ZNF565: variants seen among roughly 807,000 people sequenced by gnomAD.
ZNF565 encodes zinc finger protein 565.
ZNF565 carries 27 observed loss-of-function variants against 39.4 expected under a neutral mutation model. The observed-to-expected ratio is 0.69, with a 90% CI of 0.51 to 0.95. ZNF565 has a LOEUF of 0.95. Ranked by LOEUF, ZNF565 falls within the 40% of genes least tolerant of loss-of-function variation. The probability of loss-of-function intolerance (pLI) is 0.00; values close to 1 mark genes in which losing one functional copy is unlikely to be tolerated. For missense variants in ZNF565, 524 were observed against 621.1 expected (o/e 0.84, Z 1.66); for synonymous variants, 185 against 216.6 (o/e 0.85, Z 1.28).
chr19:36,183,310 C>A lies in ZNF565; in HGVS notation c.656G>T (p.Gly219Val). ...HLVQHQRIHT[G>V]EKPYDCKDCG... ...GTCCTTACAGTCATAAGGTTTCTCA[C>A]CCGTGTGAATTCTCTGATGCTGAAC... Residue 219 changes from glycine to valine, a missense_variant, in exon 5 of 5, where the codon GGT (glycine) becomes GTT (valine). Coordinates refer to ENST00000304116, the MANE Select transcript of ZNF565 (RefSeq NM_152477.5). 1.2e-6 allele frequency: 2 copies of A among 1,614,128 alleles called. No individual in the cohort carries two copies. The highest frequency in any genetic ancestry group is 1.7e-6 in the Non-Finnish European group (2 of 1,180,004).
intron 1 of ZNF565, among the ~76,000 whole-genome samples, chr19:36,243,462 A>G (rs2145480905): frequency 6.6e-6 from 1 of 152,340 alleles, no homozygotes; most frequent in Non-Finnish European, 1.5e-5. Flanking sequence ...AAAAGAAACC[A>G]CCTGAAGATT....
intron 1 of ZNF565, among the ~76,000 whole-genome samples, chr19:36,221,413 C>T (rs1323800851): frequency 2.6e-5 from 4 of 151,254 alleles, no homozygotes; most frequent in African/African-American, 9.7e-5. Context: ...CTCAGCCTCC[C>T]GAGTAGCTGG....
upstream of ZNF565, among the ~76,000 whole-genome samples, chr19:36,216,354 A>G (rs1264471954): frequency 6.6e-6 from 1 of 152,086 alleles, no homozygotes. Context: ...ATTTACTGTG[A>G]TCTTGGTCGG....
intron 2 of ZNF565, among the ~76,000 whole-genome samples, chr19:36,196,372 G>A (rs965185745): frequency 3.3e-5 from 5 of 152,128 alleles, no homozygotes; most frequent in South Asian, 2.1e-4. Flanking sequence ...CACTGCACTC[G>A]GCCAAGGACA....
intron 1 of ZNF565, among the ~76,000 whole-genome samples, chr19:36,221,053 A>G (rs989477378): frequency 1.3e-5 from 2 of 151,100 alleles, no homozygotes; most frequent in African/African-American, 4.9e-5. Context: ...GCGTTTCACC[A>G]TGTTGGCCAG....
intron 1 of ZNF565, among the ~76,000 whole-genome samples, chr19:36,210,149 G>GGT (rs1444101945): frequency 6.6e-6 from 1 of 151,696 alleles, no homozygotes; most frequent in Non-Finnish European, 1.5e-5. Context: ...GGCCAGGTGT[G>GGT]GTGGCTTATG....
chr19:36,225,501 T>A (rs547435015), intron 1 of ZNF565, among the ~76,000 whole-genome samples: 1 of 152,224 alleles, frequency 6.6e-6, no homozygotes, highest in African/African-American at 2.4e-5. Flanking sequence ...TGCTTTGTGA[T>A]TCTTACTTTT....
At position 36,182,743 on chromosome 19, in the gene ZNF565, T is replaced by C. The variant is rs1228105804; in HGVS notation, c.1223A>G (p.Gln408Arg). The change falls in exon 5 of 5, where the codon CAA (glutamine) becomes CGA (arginine). Residue 408 changes from glutamine (Q) to arginine (R), a missense_variant. Physicochemically the swap from Gln to Arg is conservative, Grantham distance 43 (BLOSUM62 1). Transcript: ENST00000304116. ...KAFSRSSYLI[Q>R]HQRIHTGDKP... ...GTCACCTGTATGAATTCTTTGATGT[T>C]GAATGAGGTATGAGCTACGACTAAA... The C allele has an allele frequency of 1.2e-6, 2 of 1,613,892 alleles. No homozygotes were observed. Among genetic ancestry groups the C allele is most frequent in the Middle Eastern group, 1.6e-4 (1 of 6,062 alleles).
At chr19:36,214,410 C>T (rs1290276748) in intron 1 of ZNF565, among the ~76,000 whole-genome samples, 1 of 152,192 alleles carries the variant, frequency 6.6e-6, no homozygotes, top group Non-Finnish European at 1.5e-5. Flanking sequence ...ACCCTGCACC[C>T]CGATACTCTC....
chr19:36,223,690 A>C (rs112323773), intron 1 of ZNF565, among the ~76,000 whole-genome samples: 152,200 of 152,204 alleles, frequency 1, 76,098 homozygotes, highest in Non-Finnish European at 1. Context: ...TGGTTATCAG[A>C]CTTTTCCACT....
At chr19:36,190,168 C>G (rs1458774685) in intron 4 of ZNF565, among the ~76,000 whole-genome samples, 1 of 151,892 alleles carries the variant, frequency 6.6e-6, no homozygotes, top group Non-Finnish European at 1.5e-5. Flanking sequence ...ATTAACTTTG[C>G]TAAAAAAAAT....
intron 1 of ZNF565, among the ~76,000 whole-genome samples, chr19:36,227,141 C>T (rs377749479): frequency 7.2e-5 from 11 of 151,796 alleles, no homozygotes; most frequent in African/African-American, 2.7e-4. Context: ...GTAATCCCAG[C>T]ACTTTGGGAG....
chr19:36,210,423 A>G (rs1976312732), intron 1 of ZNF565, among the ~76,000 whole-genome samples: 1 of 144,134 alleles, frequency 6.9e-6, no homozygotes, highest in Non-Finnish European at 1.5e-5. Flanking sequence ...CTGTCTCAAA[A>G]AAAAAAAAAA....
intron 4 of ZNF565, among the ~76,000 whole-genome samples, chr19:36,186,675 G>A (rs1975312195): frequency 2.0e-5 from 3 of 152,082 alleles, no homozygotes. Flanking sequence ...TGTGTTTCCA[G>A]GTATTCAGAA....
chr19:36,218,196 G>C (rs1298620110), upstream of ZNF565: 1 of 151,002 alleles, frequency 6.6e-6, no homozygotes, highest in Non-Finnish European at 1.5e-5. Flanking sequence ...GGGACCTCAG[G>C]TAGGTACTTA....
chr19:36,212,134 A>G (rs1251208440), intron 1 of ZNF565, among the ~76,000 whole-genome samples: 1 of 152,166 alleles, frequency 6.6e-6, no homozygotes, highest in Non-Finnish European at 1.5e-5. Context: ...AGAAGGGTAC[A>G]TCGCTTTCGG....
At chr19:36,214,386 C>T (rs545671006) in intron 1 of ZNF565, among the ~76,000 whole-genome samples, 4 of 152,178 alleles carry the variant, frequency 2.6e-5, no homozygotes, top group Non-Finnish European at 5.9e-5. Flanking sequence ...GCAGTATCAC[C>T]CCCGGTCACA....
At chr19:36,201,936 G>A (rs1420805534) in intron 2 of ZNF565, 41 bp downstream of exon 2, 1 of 1,610,190 alleles carries the variant, frequency 6.2e-7, no homozygotes, top group Non-Finnish European at 8.5e-7. Context: ...AATCTGGCGG[G>A]AAGACAGATC....
chr19:36,192,865 G>T (rs982348095), intron 4 of ZNF565, among the ~76,000 whole-genome samples: 1 of 151,932 alleles, frequency 6.6e-6, no homozygotes, highest in African/African-American at 2.4e-5. Context: ...CGCTCAGGCT[G>T]GAGTGCAATG....
Sources: gnomAD v4.1 joint callset for allele counts (sites outside exome capture counted in the v4.1 genomes callset) on GRCh38, gnomAD v4.1.1 for gene constraint, MANE v1.5 for transcripts, NCBI Gene and HGNC (gene_info 2026-07-23, HGNC 2026-07-21) for gene names.